Variants in AKAP13 observed in about 807,000 individuals in gnomAD.
The protein encoded by AKAP13 is A-kinase anchoring protein 13, also known as A-kinase anchor protein 13.
Under a neutral mutation model 264.5 loss-of-function variants are expected in AKAP13, and 80 were observed. That is an observed-to-expected ratio of 0.30 (90% confidence interval 0.25 to 0.36). The LOEUF (loss-of-function observed/expected upper bound fraction) is 0.36, where lower values mean the gene tolerates loss of function less well. Ranked by LOEUF, AKAP13 falls within the 10% of genes least tolerant of loss-of-function variation. The pLI is 1.00. For missense variants in AKAP13, 3,712 were observed against 3,435.2 expected (o/e 1.08, Z -2.01); for synonymous variants, 1,380 against 1,250.2 (o/e 1.10, Z -2.19).
intron 1 of AKAP13, among the ~76,000 whole-genome samples, chr15:85,440,612 C>T (rs2073597826): frequency 6.6e-6 from 1 of 152,128 alleles, no homozygotes; most frequent in South Asian, 2.1e-4. Context: ...CAGTTTTCAC[C>T]TGAGGTCATT....
intron 1 of AKAP13, among the ~76,000 whole-genome samples, chr15:85,433,796 T>C (rs1245483738): frequency 6.6e-6 from 1 of 151,190 alleles, no homozygotes; most frequent in East Asian, 2.0e-4. Context: ...TAAAAATTAG[T>C]TGGGCATGGT....
At chr15:85,526,516 C>CT (rs1358769311) in intron 3 of AKAP13, among the ~76,000 whole-genome samples, 1 of 152,148 alleles carries the variant, frequency 6.6e-6, no homozygotes, top group African/African-American at 2.4e-5. Flanking sequence ...AGTGATCCTT[C>CT]TGCCTCCACC....
chr15:85,414,632 G>C (rs1284078889), intron 1 of AKAP13, among the ~76,000 whole-genome samples: 1 of 152,162 alleles, frequency 6.6e-6, no homozygotes, highest in Non-Finnish European at 1.5e-5. Flanking sequence ...AATAAGATAA[G>C]GAAGTTGGTA....
At chr15:85,733,672 T>A (rs113314714) in intron 30 of AKAP13, among the ~76,000 whole-genome samples, 3,030 of 152,254 alleles carry the variant, frequency 0.02, 50 homozygotes, top group Non-Finnish European at 0.026. Flanking sequence ...CTTTTTAATG[T>A]TTAAATGGTC....
Position 85,631,540 on chromosome 15 carries a change from A to G in AKAP13, c.4162-7834A>G, listed in dbSNP as rs905266865. Among the ~76,000 whole-genome samples the G allele has an allele frequency of 3.8e-5, 4 of 106,656 alleles. No individual in the cohort carries two copies. In the Admixed American group the frequency reaches 4.2e-4, roughly 11 times the overall value. The allele number at this position is 106,656 out of a possible 152,430, so 70.0% of individuals were successfully genotyped here. A position where few individuals can be genotyped will look rare whatever the true frequency, so the allele number is the denominator to read the frequency against. On this transcript the variant is annotated intron_variant, in intron 8 of 36. Transcript: ENST00000394518. ...CACACACACACACACACACACACAC[A>G]CACACACACACACTAAATGCAATGT...
At chr15:85,468,630 A>C (rs777464926) in intron 1 of AKAP13, among the ~76,000 whole-genome samples, 1 of 152,198 alleles carries the variant, frequency 6.6e-6, no homozygotes, top group Non-Finnish European at 1.5e-5. Flanking sequence ...AAGCACAACA[A>C]GTAGTTTCTA....
At chr15:85,437,617 C>G (rs1366194533) in intron 1 of AKAP13, among the ~76,000 whole-genome samples, 3 of 152,284 alleles carry the variant, frequency 2.0e-5, no homozygotes, top group East Asian at 1.9e-4. Context: ...AAAAGCTTAT[C>G]CGCCATGATC....
At chr15:85,660,890 A>G (rs532020133) in intron 12 of AKAP13, among the ~76,000 whole-genome samples, 241 of 152,340 alleles carry the variant, frequency 1.6e-3, no homozygotes, top group African/African-American at 5.6e-3. Context: ...TAGCTCTTAC[A>G]TCCTCCCACC....
chr15:85,584,458 C>T (rs919966931), intron 7 of AKAP13, among the ~76,000 whole-genome samples: 1 of 152,184 alleles, frequency 6.6e-6, no homozygotes, highest in African/African-American at 2.4e-5. Flanking sequence ...TCTTTCCCCC[C>T]AGAAATTACT....
Position 85,498,197 on chromosome 15 carries a change from GAGATATATATAT to G in AKAP13, c.33+12446_33+12457del, listed in dbSNP as rs1280379884. Among the ~76,000 whole-genome samples the G allele has an allele frequency of 2.7e-4, 8 of 30,084 alleles. 1 individual carries two copies. In the South Asian group the frequency reaches 3.1e-3, roughly 12 times the overall value. The allele number at this position is 30,084 out of a possible 152,430, so 19.7% of individuals were successfully genotyped here. A position where few individuals can be genotyped will look rare whatever the true frequency, so the allele number is the denominator to read the frequency against. ...TGTGGTAGTAAGGATTAAATGAAGT[GAGATATATATAT>G]ATATATATATATATATATCACATTG... is the stretch of plus-strand genomic sequence containing the variant. On this transcript the variant is annotated intron_variant, in intron 2 of 36. Coordinates refer to ENST00000394518, the MANE Select transcript of AKAP13 (RefSeq NM_007200.5).
At position 85,666,886 on chromosome 15, in the gene AKAP13, G is replaced by C. The variant is rs79977558; in HGVS notation, c.4992+2131G>C. On this transcript the variant is annotated intron_variant, in intron 13 of 36. Transcript: ENST00000394518. ...ACTTACCACTTTTGACAATCCCTTG[G>C]GGAGCTTTTGAGTTGAGAATTCAAA... Among the ~76,000 whole-genome samples the C allele has an allele frequency of 8.0e-3, 1,211 of 152,212 alleles. 16 individuals are homozygous for C. Among genetic ancestry groups the C allele is most frequent in the African/African-American group, 0.027 (1,123 of 41,522 alleles).
intron 5 of AKAP13, 61 bp from the exon 6 acceptor site, chr15:85,575,070 C>T (rs1190920437): frequency 2.2e-5 from 34 of 1,520,062 alleles, no homozygotes; most frequent in Non-Finnish European, 2.6e-5. Flanking sequence ...AGACTTAGAA[C>T]GTTAAGCCTA....
At chr15:85,678,361 G>C (rs988310719) in intron 14 of AKAP13, among the ~76,000 whole-genome samples, 3 of 152,148 alleles carry the variant, frequency 2.0e-5, no homozygotes, top group Non-Finnish European at 4.4e-5. Flanking sequence ...TATTCTTAAA[G>C]GGAAGTGCCT....
chr15:85,394,682 A>G (rs1039951072), intron 1 of AKAP13, among the ~76,000 whole-genome samples: 35 of 152,126 alleles, frequency 2.3e-4, no homozygotes, highest in African/African-American at 8.0e-4. Context: ...TTGGAAGGAG[A>G]CAGTAGTCCC....
intron 8 of AKAP13, 132 bp downstream of exon 8, chr15:85,585,955 GT>G: frequency 8.0e-7 from 1 of 1,251,740 alleles, no homozygotes; most frequent in Non-Finnish European, 1.1e-6. Flanking sequence ...CTCTTGTGCT[GT>G]TATATAAATG....
At chr15:85,477,637 GAAAAAAA>G (rs1309806715) in intron 1 of AKAP13, among the ~76,000 whole-genome samples, 2 of 49,758 alleles carry the variant, frequency 4.0e-5, no homozygotes, top group African/African-American at 6.9e-5. Flanking sequence ...TTAAAAAAAG[GAAAAAAA>G]AAAAAAAAAA....
chr15:85,735,023 T>C lies in AKAP13; in HGVS notation c.7314T>C (p.Asn2438=), dbSNP rs145463018. ...VEILQGLVSG[N]LGGTLGPTVS... ...TCCTTCAGGGTTTGGTGAGTGGAAATCTGGGAGGCACACTTGGGCCGACTG... is the reference window on the plus strand; with the variant it reads ...TCCTTCAGGGTTTGGTGAGTGGAAACCTGGGAGGCACACTTGGGCCGACTG... Residue 2438 remains asparagine, a synonymous_variant, in exon 31 of 37, where the codon AAT becomes AAC. Transcript: ENST00000394518. 1.2e-6 allele frequency: 2 copies of C among 1,614,138 alleles called. No homozygotes were observed. Among genetic ancestry groups the C allele is most frequent in the Non-Finnish European group, 1.7e-6 (2 of 1,180,016 alleles).
At chr15:85,720,109 T>C (rs1419768127) in intron 23 of AKAP13, among the ~76,000 whole-genome samples, 1 of 151,994 alleles carries the variant, frequency 6.6e-6, no homozygotes, top group East Asian at 1.9e-4. Context: ...TAGTGCACAC[T>C]TGTGGTCCCA....
intron 1 of AKAP13, among the ~76,000 whole-genome samples, chr15:85,401,856 A>G (rs1220958143): frequency 6.6e-6 from 1 of 152,220 alleles, no homozygotes; most frequent in Non-Finnish European, 1.5e-5. Flanking sequence ...TAATAAGAGA[A>G]TGAGTAACAA....
Sources: allele counts gnomAD v4.1 joint callset (sites outside exome capture counted in the v4.1 genomes callset), GRCh38; gene constraint gnomAD v4.1.1; transcripts MANE v1.5; gene names NCBI Gene and HGNC (gene_info 2026-07-23, HGNC 2026-07-21).